DENND1A: variants seen among roughly 807,000 people sequenced by gnomAD.
DENND1A encodes DENN domain containing 1A, also known as DENN domain-containing protein 1A.
DENND1A carries 51 observed loss-of-function variants against 113.7 expected under a neutral mutation model. The ratio of observed to expected loss-of-function variants is 0.45; its 90% CI spans 0.36 to 0.57. The LOEUF (loss-of-function observed/expected upper bound fraction) is 0.57. Ranked by LOEUF, DENND1A falls within the 20% of genes least tolerant of loss-of-function variation. DENND1A has a pLI of 0.00. For missense variants in DENND1A, 1,258 were observed against 1,395.9 expected (o/e 0.90, Z 1.57); for synonymous variants, 565 against 570.8 (o/e 0.99, Z 0.14).
At chr9:123,387,225 G>A (rs1468725395) in intron 22 of DENND1A, among the ~76,000 whole-genome samples, 1 of 152,220 alleles carries the variant, frequency 6.6e-6, no homozygotes, top group Non-Finnish European at 1.5e-5. Context: ...TAATTGGTAT[G>A]AGGCTTAGGC....
At chr9:123,460,044 G>A (rs2048412886) in intron 13 of DENND1A, among the ~76,000 whole-genome samples, 1 of 152,184 alleles carries the variant, frequency 6.6e-6, no homozygotes, top group Admixed American at 6.5e-5. Context: ...TATTTGTTTG[G>A]GAAAAAAGTA....
intron 2 of DENND1A, 133 bp from the exon 3 acceptor site, chr9:123,792,763 G>A (rs1833187133): frequency 5.7e-6 from 5 of 871,946 alleles, no homozygotes; most frequent in Non-Finnish European, 8.8e-6. Flanking sequence ...AGGCTGCTAT[G>A]TTGATGAGCA....
intron 13 of DENND1A, among the ~76,000 whole-genome samples, chr9:123,461,305 T>C (rs2048503497): frequency 6.6e-6 from 1 of 152,226 alleles, no homozygotes; most frequent in Non-Finnish European, 1.5e-5. Flanking sequence ...GGCCAGAGGC[T>C]GAACTCATCT....
intron 1 of DENND1A, among the ~76,000 whole-genome samples, chr9:123,926,715 T>C (rs76677467): frequency 0.18 from 27,101 of 151,730 alleles, 2,604 homozygotes; most frequent in African/African-American, 0.23. Flanking sequence ...CGGTCTTAAT[T>C]AGAATCTTAA....
At chr9:123,920,735 A>ATT (rs761034647) in intron 1 of DENND1A, among the ~76,000 whole-genome samples, 10 of 137,876 alleles carry the variant, frequency 7.3e-5, no homozygotes, top group Middle Eastern at 3.7e-3. Flanking sequence ...AATTTTTGTA[A>ATT]TTTTTTTTTT....
chr9:123,397,444 G>A (rs568311091), intron 21 of DENND1A, among the ~76,000 whole-genome samples: 14 of 152,274 alleles, frequency 9.2e-5, no homozygotes, highest in African/African-American at 2.9e-4. Context: ...ATGAGCCACC[G>A]TGCCCAGCCT....
chr9:123,663,609 C>CTGGAGGGAGAGTGGGATTGGGGT (rs1385349595), intron 8 of DENND1A, among the ~76,000 whole-genome samples: 21 of 150,614 alleles, frequency 1.4e-4, no homozygotes, highest in African/African-American at 3.9e-4. Context: ...TCATCAAACA[C>CTGGAGGGAGAGTGGGATTGGGGT]TGGAGGGAGA....
chr9:123,878,615 C>G (rs1317280446), intron 2 of DENND1A, among the ~76,000 whole-genome samples: 1 of 152,170 alleles, frequency 6.6e-6, no homozygotes, highest in Non-Finnish European at 1.5e-5. Context: ...GATTGGTAGA[C>G]TAGAGGTGAA....
chr9:123,782,907 C>T (rs1239694744), intron 3 of DENND1A, among the ~76,000 whole-genome samples: 1 of 151,646 alleles, frequency 6.6e-6, no homozygotes, highest in Non-Finnish European at 1.5e-5. Flanking sequence ...TATTCAGGCC[C>T]ACAGTCTGGG....
intron 13 of DENND1A, among the ~76,000 whole-genome samples, chr9:123,538,589 A>C (rs1357196649): frequency 6.6e-6 from 1 of 151,930 alleles, no homozygotes; most frequent in Non-Finnish European, 1.5e-5. Flanking sequence ...TCAGGTGTCA[A>C]CCTGAAGTAT....
chr9:123,598,580 GAC>G (rs2059804848), intron 11 of DENND1A, among the ~76,000 whole-genome samples: 2 of 151,186 alleles, frequency 1.3e-5, no homozygotes, highest in Non-Finnish European at 2.9e-5. Context: ...ACCTAAAATT[GAC>G]TGTTTTCAGT....
At chr9:123,684,110 C>T (rs2064651952) in intron 5 of DENND1A, among the ~76,000 whole-genome samples, 1 of 151,830 alleles carries the variant, frequency 6.6e-6, no homozygotes, top group South Asian at 2.1e-4. Context: ...ACAAGTAAAC[C>T]CCACCATCTA....
rs145914739 is a variant in DENND1A, at chr9:123,601,640, T to C, written c.765+7796A>G. ...ATCTCCACCCAGGGTTTCACTGATATAAACTTTGCCTCTTATTTTTATACT... is the reference window on the plus strand; with the variant it reads ...ATCTCCACCCAGGGTTTCACTGATACAAACTTTGCCTCTTATTTTTATACT... On this transcript the variant is annotated intron_variant, in intron 11 of 23. Transcript: ENST00000394215. Among the ~76,000 whole-genome samples, 17 of 152,376 alleles carry C rather than the reference T, an allele frequency of 1.1e-4. No homozygotes were observed. The East Asian group carries it at 3.1e-3, about 28-fold the overall frequency.
intron 2 of DENND1A, among the ~76,000 whole-genome samples, chr9:123,829,605 G>C (rs546073655): frequency 3.3e-5 from 5 of 152,032 alleles, no homozygotes; most frequent in Admixed American, 3.3e-4. Context: ...CAAACAGATG[G>C]ATAATAAAAG....
At chr9:123,696,771 C>T (rs2065546838) in intron 5 of DENND1A, among the ~76,000 whole-genome samples, 1 of 151,984 alleles carries the variant, frequency 6.6e-6, no homozygotes, top group East Asian at 1.9e-4. Flanking sequence ...ATATTTTTTA[C>T]ATGAACTCAT....
chr9:123,731,547 T>G (rs1054027581), intron 5 of DENND1A, among the ~76,000 whole-genome samples: 8 of 152,210 alleles, frequency 5.3e-5, no homozygotes, highest in Non-Finnish European at 1.0e-4. Flanking sequence ...CAACCTATAC[T>G]TTATACCTTA....
rs367970930 is a variant in DENND1A at position 123,533,516 on chromosome 9, T to A, written c.993+24054A>T. ...GAGCTCACCTGCCATTTGCTGCACA[T>A]CCATGGACTGCAGAAAGACAGACCT... On this transcript the variant is annotated intron_variant, in intron 13 of 23. Transcript: ENST00000394215. Among the ~76,000 whole-genome samples the A allele has an allele frequency of 5.4e-3, 820 of 152,304 alleles. 1 individual carries two copies. The highest frequency in any genetic ancestry group is 0.02 in the Middle Eastern group (6 of 294).
chr9:123,599,860 G>A (rs771534617), intron 11 of DENND1A, among the ~76,000 whole-genome samples: 26 of 152,172 alleles, frequency 1.7e-4, no homozygotes, highest in Non-Finnish European at 3.2e-4. Flanking sequence ...GTTTAATTTG[G>A]TTGACAAACA....
chr9:123,672,045 G>T (rs570603691), intron 6 of DENND1A, among the ~76,000 whole-genome samples: 6 of 152,296 alleles, frequency 3.9e-5, no homozygotes, highest in African/African-American at 1.4e-4. Context: ...ACTGATAAGT[G>T]TATATTTGTA....
Sources: allele counts gnomAD v4.1 joint callset (sites outside exome capture counted in the v4.1 genomes callset), GRCh38; gene constraint gnomAD v4.1.1; transcripts MANE v1.5; gene names NCBI Gene and HGNC (gene_info 2026-07-23, HGNC 2026-07-21).